Variants in NLGN4X observed in about 807,000 individuals in gnomAD.
NLGN4X encodes the protein neuroligin 4 X-linked.
In NLGN4X, 3 loss-of-function variants were observed where a neutral mutation model predicts 40.3. The observed-to-expected ratio is 0.07, with a 90% CI of 0.03 to 0.19. The LOEUF (loss-of-function observed/expected upper bound fraction) is 0.19. Among genes scored for constraint, NLGN4X ranks in the 10% least tolerant of loss-of-function variants. The probability of loss-of-function intolerance (pLI) is 1.00; values close to 1 mark genes in which losing one functional copy is unlikely to be tolerated. For synonymous variants in NLGN4X, 270 were observed against 306.8 expected, an observed-to-expected ratio of 0.88 and a Z score of 1.25; for missense variants, 382 against 708.3, an observed-to-expected ratio of 0.54 and a Z score of 5.23.
At chrX:6,225,681 C>CTTTT (rs1569309354) in intron 1 of NLGN4X, among the ~76,000 whole-genome samples, 44 of 33,760 alleles carry the variant, frequency 1.3e-3, no homozygotes, top group African/African-American at 1.5e-3. Flanking sequence ...TTTTTTCTTT[C>CTTTT]TTTTTTTCTT....
intron 1 of NLGN4X, among the ~76,000 whole-genome samples, chrX:6,155,768 T>G (rs1400260028): frequency 8.9e-6 from 1 of 112,736 alleles, no homozygotes; most frequent in African/African-American, 3.2e-5. Context: ...GCAGTTTCTA[T>G]TAAATCTAAA....
intron 2 of NLGN4X, among the ~76,000 whole-genome samples, chrX:6,069,864 G>A (rs946098371): frequency 8.9e-6 from 1 of 111,795 alleles, no homozygotes; most frequent in Non-Finnish European, 1.9e-5. Context: ...TGCATCTTAA[G>A]CGTCTCAAAT....
At chrX:6,111,817 T>C (rs914424913) in intron 2 of NLGN4X, among the ~76,000 whole-genome samples, 1 of 111,577 alleles carries the variant, frequency 9.0e-6, no homozygotes. Context: ...TATAGCAGCC[T>C]CGACAGACTA....
At chrX:6,177,581 C>G (rs1232120775) in intron 1 of NLGN4X, among the ~76,000 whole-genome samples, 4 of 112,198 alleles carry the variant, frequency 3.6e-5, no homozygotes. Flanking sequence ...AATAACAACA[C>G]GCTACTCACA....
intron 3 of NLGN4X, among the ~76,000 whole-genome samples, chrX:5,948,973 G>A (rs908372062): frequency 1.1e-4 from 12 of 111,496 alleles, no homozygotes; most frequent in African/African-American, 3.6e-4. Flanking sequence ...CTACTGACTG[G>A]AGCACCATGC....
At chrX:5,926,201 T>C (rs1158595317) in intron 3 of NLGN4X, among the ~76,000 whole-genome samples, 1 of 107,266 alleles carries the variant, frequency 9.3e-6, no homozygotes, top group Non-Finnish European at 1.9e-5. Context: ...CACCACCATG[T>C]GAAGAAAGAC....
At chrX:5,962,405 CAGAG>C (rs2034691458) in intron 3 of NLGN4X, among the ~76,000 whole-genome samples, 2 of 111,751 alleles carry the variant, frequency 1.8e-5, no homozygotes, top group African/African-American at 6.5e-5. Flanking sequence ...CTTATGAAGT[CAGAG>C]AGGAGACTTA....
chrX:6,026,003 T>C (rs1166986396), intron 3 of NLGN4X, among the ~76,000 whole-genome samples: 4 of 111,357 alleles, frequency 3.6e-5, no homozygotes, highest in African/African-American at 9.8e-5. Context: ...ATGGAACTTT[T>C]ATACTGTACA....
intron 2 of NLGN4X, among the ~76,000 whole-genome samples, chrX:6,088,225 A>C (rs779607578): frequency 1.8e-5 from 2 of 112,705 alleles, no homozygotes; most frequent in African/African-American, 6.4e-5. Context: ...TGCATATGTG[A>C]CCTTTTAAAC....
At chrX:6,195,723 A>G (rs1312444667) in intron 1 of NLGN4X, among the ~76,000 whole-genome samples, 1 of 111,900 alleles carries the variant, frequency 8.9e-6, no homozygotes, top group African/African-American at 3.3e-5. Context: ...TTTTACAATA[A>G]TTAGTGTGCA....
At chrX:6,127,613 G>GA (rs2039588183) in intron 2 of NLGN4X, among the ~76,000 whole-genome samples, 1 of 111,127 alleles carries the variant, frequency 9.0e-6, no homozygotes, top group Non-Finnish European at 1.9e-5. Context: ...TGTCTCAAAA[G>GA]AAAAAAAAGA....
intron 5 of NLGN4X, among the ~76,000 whole-genome samples, chrX:5,900,792 G>C (rs1292721210): frequency 9.2e-6 from 1 of 108,871 alleles, no homozygotes; most frequent in Non-Finnish European, 1.9e-5. Flanking sequence ...GCCTAGGCTG[G>C]TCTTAAACTC....
At chrX:6,040,241 G>A (rs914430474) in intron 2 of NLGN4X, among the ~76,000 whole-genome samples, 1 of 111,442 alleles carries the variant, frequency 9.0e-6, no homozygotes, top group African/African-American at 3.3e-5. Context: ...GTCCAGCTCC[G>A]AATATGCAAT....
chrX:6,115,969 G>A (rs1014954040), intron 2 of NLGN4X, among the ~76,000 whole-genome samples: 9 of 110,540 alleles, frequency 8.1e-5, no homozygotes, highest in African/African-American at 3.0e-4. Flanking sequence ...GTGCTCTCAC[G>A]GAGTTAGAGT....
rs111382848 is a variant in NLGN4X at position 6,225,017 on chromosome X, C to T, written c.-306+3524G>A. On this transcript the variant is annotated intron_variant, in intron 1 of 5. Coordinates refer to ENST00000381095, the MANE Select transcript of NLGN4X (RefSeq NM_181332.3). ...ATATATATATATATATATATACACA[C>T]ACACACACATATATGTAGAAATGTA... 3.2e-3 allele frequency among the ~76,000 whole-genome samples: 209 copies of T among 65,311 alleles called. 1 individual carries two copies. The highest frequency in any genetic ancestry group is 3.9e-3 in the Non-Finnish European group (129 of 33,216). The allele number at this position is 65,311 out of a possible 115,157, so 56.7% of individuals were successfully genotyped here.
chrX:6,035,201 T>C (rs1040044782), intron 2 of NLGN4X, among the ~76,000 whole-genome samples: 2 of 112,185 alleles, frequency 1.8e-5, no homozygotes, highest in Non-Finnish European at 3.8e-5. Flanking sequence ...TTATTGGGAA[T>C]ATGGTTGGCA....
Position 6,210,453 on chromosome X carries a change from G to A in NLGN4X, c.-306+18088C>T, listed in dbSNP as rs192986162. Among the ~76,000 whole-genome samples the A allele has an allele frequency of 9.0e-5, 10 of 110,987 alleles. No individual in the cohort carries two copies. In the East Asian group the frequency reaches 1.1e-3, roughly 13 times the overall value. On this transcript the variant is annotated intron_variant, in intron 1 of 5. Coordinates refer to ENST00000381095, the MANE Select transcript of NLGN4X (RefSeq NM_181332.3). ...TGCATCACTGCACTCCAGCATGGGC[G>A]ACAGAGCGAGACCCTGTCTTCAAAA... is the stretch of plus-strand genomic sequence containing the variant.
At chrX:5,921,417 G>GAGAGAT (rs2033048693) in intron 3 of NLGN4X, among the ~76,000 whole-genome samples, 1 of 105,973 alleles carries the variant, frequency 9.4e-6, no homozygotes, top group Admixed American at 1.0e-4. Flanking sequence ...GAGAGAGAGA[G>GAGAGAT]AGAGAGAGAG....
intron 2 of NLGN4X, among the ~76,000 whole-genome samples, chrX:6,071,003 C>T (rs2038050641): frequency 1.8e-5 from 2 of 111,492 alleles, no homozygotes; most frequent in African/African-American, 6.5e-5. Context: ...AAAAGCCAAA[C>T]CAAAACACCT....
Sources: gnomAD v4.1 joint callset for allele counts (sites outside exome capture counted in the v4.1 genomes callset) on GRCh38, gnomAD v4.1.1 for gene constraint, MANE v1.5 for transcripts, NCBI Gene and HGNC (gene_info 2026-07-23, HGNC 2026-07-21) for gene names.